CDK18: variants seen among roughly 807,000 people sequenced by gnomAD.
CDK18 encodes the protein cyclin dependent kinase 18.
A neutral mutation model predicts 62.0 loss-of-function variants in CDK18; 52 were observed. The ratio of observed to expected loss-of-function variants is 0.84; its 90% confidence interval spans 0.67 to 1.06. The LOEUF (loss-of-function observed/expected upper bound fraction) is 1.06. Ranked by LOEUF, CDK18 falls within the 50% of genes least tolerant of loss-of-function variation. The probability of loss-of-function intolerance (pLI) is 0.00; values close to 1 mark genes in which losing one functional copy is unlikely to be tolerated. For synonymous variants in CDK18, 237 were observed against 247.0 expected, an observed-to-expected ratio of 0.96 and a Z score of 0.38; for missense variants, 604 against 619.9, an observed-to-expected ratio of 0.97 and a Z score of 0.27.
intron 2 of CDK18, 35 bp downstream of exon 2, chr1:205,523,332 C>A (rs767053679): frequency 7.3e-5 from 117 of 1,613,310 alleles, no homozygotes; most frequent in Non-Finnish European, 9.3e-5. Flanking sequence ...ACCTCTCCCA[C>A]CTACCAGACA....
At chr1:205,526,880 TGTC>T in intron 8 of CDK18, 43 bp downstream of exon 8, 1 of 1,532,484 alleles carries the variant, frequency 6.5e-7, no homozygotes. Context: ...GGCAGCCACC[TGTC>T]CAGAAGCCCA....
Position 205,531,429 on chromosome 1 carries a change from A to T in CDK18, c.*51A>T. ...GGGACAAGAGATCACATGGAGCACA[A>T]ATTCGGGTAGGATGGAGCCTGTGTG... On this transcript the variant is annotated 3_prime_UTR_variant, in exon 16 of 16. Transcript: ENST00000429964. The T allele has an allele frequency of 1.3e-6, 2 of 1,562,348 alleles. No individual in the cohort carries two copies. Among genetic ancestry groups the T allele is most frequent in the Non-Finnish European group, 8.8e-7 (1 of 1,132,522 alleles).
chr1:205,523,276 C>T lies in CDK18; in HGVS notation c.109C>T (p.Leu37Phe), dbSNP rs756722053. ...LAEFTEQFNQ[L>F]HNRRNENLQL... ...TGAATTCACGGAGCAATTCAACCAG[C>T]TCCACAACCGGCGGAATGAGAGTGA... Residue 37 changes from leucine to phenylalanine, a missense_variant, in exon 2 of 16, where the codon CTC becomes TTC. By Grantham distance (22) the Leu-to-Phe change is conservative. Transcript: ENST00000429964. The T allele has an allele frequency of 1.2e-6, 2 of 1,614,164 alleles. No homozygotes were observed. Among genetic ancestry groups the T allele is most frequent in the East Asian group, 2.2e-5 (1 of 44,876 alleles).
chr1:205,524,352 T>C lies in CDK18; in HGVS notation c.394T>C (p.Ser132Pro), dbSNP rs745529870. The C allele has an allele frequency of 3.7e-6, 6 of 1,614,122 alleles. No individual in the cohort carries two copies. The highest frequency in any genetic ancestry group is 5.1e-6 in the Non-Finnish European group (6 of 1,180,022). The change falls in exon 4 of 16, where the codon TCC becomes CCC. Residue 132 changes from serine to proline, a missense_variant. Physicochemically the swap from Ser to Pro is moderately conservative, Grantham distance 74 (BLOSUM62 -1). Transcript: ENST00000429964. ...KPLSRMSRRA[S>P]LSDIGFGKLE... The stretch of plus-strand genomic sequence containing the variant: ...GCTCAGCCGCATGTCCCGCCGGGCC[T>C]CCCTGGTGAGTCCCAAGAGGGTCAG...
intron 1 of CDK18, among the ~76,000 whole-genome samples, chr1:205,513,723 A>G (rs1349741314): frequency 6.6e-6 from 1 of 152,192 alleles, no homozygotes; most frequent in East Asian, 1.9e-4. Context: ...GAGGGCCACA[A>G]GCCCCTCCGA....
chr1:205,529,456 T>C (rs1668625829), intron 12 of CDK18, 27 bp downstream of exon 12: 2 of 1,609,960 alleles, frequency 1.2e-6, no homozygotes, highest in Non-Finnish European at 1.7e-6. Flanking sequence ...CCGCCCCTCC[T>C]GCTGCGGCCC....
chr1:205,529,593 G>C, intron 13 of CDK18, 30 bp downstream of exon 13: 1 of 1,613,496 alleles, frequency 6.2e-7, no homozygotes, highest in Non-Finnish European at 8.5e-7. Flanking sequence ...GGCCCAGGGA[G>C]AGGCAGCCAA....
rs529932904 is a variant in CDK18, at chr1:205,527,898, G to A, written c.834G>A (p.Glu278=). 1.2e-6 allele frequency: 2 copies of A among 1,614,176 alleles called. No homozygotes were observed. The highest frequency in any genetic ancestry group is 4.5e-5 in the East Asian group (2 of 44,888). The change falls in exon 9 of 16, where the codon GAG becomes GAA. Residue 278 remains glutamate (E), a synonymous_variant. Coordinates refer to ENST00000429964, the MANE Select transcript of CDK18 (RefSeq NM_212502.3). The surrounding 1 kb of genome is among the most constrained non-coding windows in gnomAD (Gnocchi z 4.1). ...PQNLLINERG[E]LKLADFGLAR... is the part of the protein sequence containing the mutation. ...ACCTGCTCATCAACGAGAGGGGGGA[G>A]CTGAAGCTGGCCGACTTTGGTGAGG... is the stretch of plus-strand genomic sequence containing the variant.
Position 205,531,407 on chromosome 1 carries a change from A to ACAAGAGAC in CDK18, c.*36_*37insCCAAGAGA. ...ACGCCCACCTTGCTGTGGCCAAGGG[A>ACAAGAGAC]CAAGAGATCACATGGAGCACAAATT... is the stretch of plus-strand genomic sequence containing the variant. On this transcript the variant is annotated 3_prime_UTR_variant, in exon 16 of 16. Coordinates refer to ENST00000429964, the MANE Select transcript of CDK18 (RefSeq NM_212502.3). The ACAAGAGAC allele has an allele frequency of 4.4e-6, 7 of 1,605,508 alleles. No homozygotes were observed. Among genetic ancestry groups the ACAAGAGAC allele is most frequent in the Admixed American group, 1.7e-5 (1 of 60,004 alleles).
chr1:205,514,191 A>G (rs986299523), intron 1 of CDK18, among the ~76,000 whole-genome samples: 4 of 152,246 alleles, frequency 2.6e-5, no homozygotes, highest in Non-Finnish European at 5.9e-5. Flanking sequence ...GTGGGAGCAC[A>G]GAAGAGGGAC....
intron 1 of CDK18, among the ~76,000 whole-genome samples, chr1:205,518,370 A>G (rs941150464): frequency 6.6e-5 from 10 of 152,322 alleles, no homozygotes; most frequent in Admixed American, 4.6e-4. Flanking sequence ...CAGGTGTTCA[A>G]TAATTGTTGA....
chr1:205,528,212 G>A lies in CDK18; in HGVS notation c.974+44G>A, dbSNP rs754564567. ...GACCGAGGAGGGGAGGACAGGCCTGGCCACACCTCCAGACTCTCCTTTGCT... is the reference window on the plus strand; with the variant it reads ...GACCGAGGAGGGGAGGACAGGCCTGACCACACCTCCAGACTCTCCTTTGCT... On this transcript the variant is annotated intron_variant, in intron 10 of 15. Coordinates refer to ENST00000429964, the MANE Select transcript of CDK18 (RefSeq NM_212502.3). The surrounding 1 kb of genome is among the most constrained non-coding windows in gnomAD (Gnocchi z 4.2). 1.2e-6 allele frequency: 2 copies of A among 1,606,346 alleles called. No individual in the cohort carries two copies. The highest frequency in any genetic ancestry group is 2.2e-5 in the South Asian group (2 of 90,418).
At chr1:205,521,818 G>A (rs943090446) in intron 1 of CDK18, among the ~76,000 whole-genome samples, 3 of 152,238 alleles carry the variant, frequency 2.0e-5, no homozygotes, top group African/African-American at 7.2e-5. Flanking sequence ...CCTTAAACCA[G>A]GAGGATTCGG....
Position 205,530,138 on chromosome 1 carries a change from G to A in CDK18, c.1222-121G>A, listed in dbSNP as rs1469792433. 5.9e-6 allele frequency: 9 copies of A among 1,517,670 alleles called. No individual in the cohort carries two copies. In the East Asian group the frequency reaches 1.2e-4, roughly 20 times the overall value. The allele number at this position is 1,517,670 out of a possible 1,614,324, so 94.0% of individuals were successfully genotyped here. ...GGTAGGGGCTGGAGGCTGACCTGGG[G>A]CTTCTCCTGTTAGCCTCAAGCCTCA... On this transcript the variant is annotated intron_variant, in intron 13 of 15. Coordinates refer to ENST00000429964, the MANE Select transcript of CDK18 (RefSeq NM_212502.3).
intron 1 of CDK18, among the ~76,000 whole-genome samples, chr1:205,506,715 C>T (rs1357670583): frequency 2.6e-5 from 4 of 152,178 alleles, no homozygotes; most frequent in South Asian, 2.1e-4. Flanking sequence ...GGGGAGGTTC[C>T]GGCCCACTCT....
At position 205,526,349 on chromosome 1, in the gene CDK18, G is replaced by A. The variant is rs1411405064; in HGVS notation, c.572-18G>A. ...CACATGGGGTCCTAGGGACCCAGGT[G>A]GATCTGTCTCCTCACAGTGTCTCTG... On this transcript the variant is annotated intron_variant, in intron 6 of 15. Coordinates refer to ENST00000429964, the MANE Select transcript of CDK18 (RefSeq NM_212502.3). The A allele has an allele frequency of 2.5e-6, 4 of 1,604,258 alleles. No homozygotes were observed. Among genetic ancestry groups the A allele is most frequent in the Non-Finnish European group, 3.4e-6 (4 of 1,171,080 alleles).
chr1:205,530,321 G>T lies in CDK18; in HGVS notation c.1284G>T (p.Leu428=). The change falls in exon 14 of 16, where the codon CTG becomes CTT. Residue 428 remains leucine, a synonymous_variant. Transcript: ENST00000429964. Reference sequence around the variant, plus strand: ...TGAGTCACTCCTACTTCCGGTCTCTGGGAGAGCGTGTGCACCAGCTTGAAG... The same window carrying T: ...TGAGTCACTCCTACTTCCGGTCTCTTGGAGAGCGTGTGCACCAGCTTGAAG... ...AALSHSYFRS[L]GERVHQLEDT... is the part of the protein sequence containing the mutation. The T allele has an allele frequency of 6.2e-7, 1 of 1,613,100 alleles. No homozygotes were observed.
chr1:205,506,175 CGG>C (rs1667297471), intron 1 of CDK18, among the ~76,000 whole-genome samples: 1 of 152,122 alleles, frequency 6.6e-6, no homozygotes. Context: ...TGCTGAGGGT[CGG>C]TGGAGTACAG....
chr1:205,515,753 G>A lies in CDK18; in HGVS notation c.-21-7394G>A, dbSNP rs182176992. Among the ~76,000 whole-genome samples the A allele has an allele frequency of 4.1e-3, 622 of 152,272 alleles. 3 individuals are homozygous for A. The highest frequency in any genetic ancestry group is 0.014 in the African/African-American group (575 of 41,548). Reference sequence around the variant, plus strand: ...GAGTGAGACTCTAGGAGACAATGGCGTATTTGTCTGGAGCAAGGGCGACCC... The same window carrying A: ...GAGTGAGACTCTAGGAGACAATGGCATATTTGTCTGGAGCAAGGGCGACCC... On this transcript the variant is annotated intron_variant, in intron 1 of 15. Coordinates refer to ENST00000429964, the MANE Select transcript of CDK18 (RefSeq NM_212502.3).
Sources: gnomAD v4.1 joint callset for allele counts (sites outside exome capture counted in the v4.1 genomes callset) on GRCh38, gnomAD v4.1.1 for gene constraint, Gnocchi (gnomAD v3.1) non-coding constraint, MANE v1.5 for transcripts, NCBI Gene and HGNC (gene_info 2026-07-23, HGNC 2026-07-21) for gene names.